GGTA1: variants seen among roughly 807,000 people sequenced by gnomAD.
GGTA1 encodes the protein inactive N-acetyllactosaminide alpha-1,3-galactosyltransferase.
GGTA1 carries 5 observed loss-of-function variants against 2.6 expected under a neutral mutation model. The observed-to-expected ratio is 1.92, with a 90% CI of 1.00 to 4.04. The LOEUF (loss-of-function observed/expected upper bound fraction) is 4.04, where lower values mean the gene tolerates loss of function less well. Among genes scored for constraint, GGTA1 ranks in the 30% most tolerant of loss-of-function variants. The pLI, the probability that GGTA1 is intolerant of heterozygous loss-of-function variation, is 0.00. For synonymous variants in GGTA1, 17 were observed against 5.0 expected (o/e 3.38, Z -3.19); for missense variants, 50 against 16.7 (o/e 2.99, Z -3.47).
intron 4 of GGTA1, 133 bp from the exon 5 acceptor site, chr9:121,460,352 G>A: frequency 2.6e-6 from 1 of 381,438 alleles, no homozygotes; most frequent in Admixed American, 3.4e-5. Flanking sequence ...CCAGAAAAAG[G>A]CTCTAGGCAC....
At chr9:121,454,860 C>G (rs183080538), downstream of GGTA1, among the ~76,000 whole-genome samples, 65 of 152,078 alleles carry the variant, frequency 4.3e-4, no homozygotes, top group African/African-American at 1.5e-3. Context: ...TAAAAAAATA[C>G]AAAATTAGCC....
chr9:121,459,477 C>T (rs1454550201), intron 5 of GGTA1, among the ~76,000 whole-genome samples: 1 of 152,116 alleles, frequency 6.6e-6, no homozygotes, highest in Non-Finnish European at 1.5e-5. Flanking sequence ...AAAAAGGATT[C>T]CATTCTCTCC....
downstream of GGTA1, among the ~76,000 whole-genome samples, chr9:121,454,456 C>T (rs1248320177): frequency 6.6e-6 from 1 of 152,220 alleles, no homozygotes; most frequent in African/African-American, 2.4e-5. Flanking sequence ...GCAAAGGGCT[C>T]ACTCACCCTT....
chr9:121,467,217 T>C (rs1276040764), intron 2 of GGTA1, among the ~76,000 whole-genome samples: 1 of 152,196 alleles, frequency 6.6e-6, no homozygotes, highest in Non-Finnish European at 1.5e-5. Flanking sequence ...CCAGGCATTG[T>C]AGTTTCAAAA....
intron 2 of GGTA1, among the ~76,000 whole-genome samples, chr9:121,464,004 A>G (rs2064983082): frequency 6.6e-6 from 1 of 152,252 alleles, no homozygotes; most frequent in Non-Finnish European, 1.5e-5. Flanking sequence ...CCTAGCACGC[A>G]TAACCCTACC....
In GGTA1 at chr9:121,496,731, C is replaced by CAAAAAAAA. The variant is rs772847384; in HGVS notation, c.-10+2911_-10+2918dup. 2.2e-4 allele frequency among the ~76,000 whole-genome samples: 7 copies of CAAAAAAAA among 31,212 alleles called. 1 individual carries two copies. The highest frequency in any genetic ancestry group is 7.3e-4 in the African/African-American group (6 of 8,228). 20.5% of individuals were successfully genotyped at this position (31,212 alleles called of 152,430 possible). On this transcript the variant is annotated intron_variant, in intron 1 of 5. Coordinates refer to ENST00000481799, the MANE Select transcript of GGTA1 (RefSeq NM_001382585.1). Reference sequence around the variant, plus strand: ...TGAGTGACAGAGCAAGGCTCCATCTCAAAAAAAAAAAAAAAAAAAAAAAAA... The same window carrying CAAAAAAAA: ...TGAGTGACAGAGCAAGGCTCCATCTCAAAAAAAAAAAAAAAAAAAAAAAAAAAAAAAAA...
chr9:121,487,096 G>T (rs1239715582), intron 1 of GGTA1, among the ~76,000 whole-genome samples: 1 of 152,170 alleles, frequency 6.6e-6, no homozygotes, highest in African/African-American at 2.4e-5. Context: ...CTTGCCCCAG[G>T]TTGTCGGGCA....
At chr9:121,497,789 G>A (rs1461292950) in intron 1 of GGTA1, among the ~76,000 whole-genome samples, 1 of 152,230 alleles carries the variant, frequency 6.6e-6, no homozygotes, top group Non-Finnish European at 1.5e-5. Context: ...AGGTCTGGAA[G>A]TGCTCAGAGG....
At chr9:121,460,345 G>A (rs2064950174) in intron 4 of GGTA1, 126 bp from the exon 5 acceptor site, 3 of 388,070 alleles carry the variant, frequency 7.7e-6, no homozygotes, top group South Asian at 5.8e-5. Context: ...GAACTGACCA[G>A]AAAAAGGCTC....
intron 5 of GGTA1, among the ~76,000 whole-genome samples, chr9:121,458,073 C>T (rs2064928442): frequency 6.6e-6 from 1 of 151,660 alleles, no homozygotes; most frequent in Admixed American, 6.6e-5. Context: ...CCACTCCCAG[C>T]TGATTTTTTG....
At chr9:121,459,982 A>G (rs2064946224) in intron 5 of GGTA1, 122 bp downstream of exon 5, 1 of 387,390 alleles carries the variant, frequency 2.6e-6, no homozygotes, top group Admixed American at 3.3e-5. Flanking sequence ...TAAAGGTCTA[A>G]TATGCTAAGG....
intron 2 of GGTA1, among the ~76,000 whole-genome samples, chr9:121,465,019 C>CAAA (rs1175876346): frequency 7.5e-6 from 1 of 132,864 alleles, no homozygotes; most frequent in Non-Finnish European, 1.7e-5. Flanking sequence ...AAAAAAAAAA[C>CAAA]AAAAAACAAC....
chr9:121,457,272 C>T (rs1417151411), intron 5 of GGTA1, among the ~76,000 whole-genome samples: 1 of 152,100 alleles, frequency 6.6e-6, no homozygotes, highest in Non-Finnish European at 1.5e-5. Flanking sequence ...GTGAGACATG[C>T]AGAGATGTCA....
chr9:121,469,229 G>T (rs1828329417), intron 1 of GGTA1, among the ~76,000 whole-genome samples: 1 of 152,172 alleles, frequency 6.6e-6, no homozygotes, highest in Admixed American at 6.5e-5. Context: ...AGTCCCAAGG[G>T]ATAAAGAGGG....
intron 1 of GGTA1, chr9:121,479,422 G>A: frequency 3.7e-6 from 1 of 273,120 alleles, no homozygotes; most frequent in Non-Finnish European, 7.2e-6. Context: ...CAGGCCTTTG[G>A]GAAACGAGCT....
intron 1 of GGTA1, among the ~76,000 whole-genome samples, chr9:121,499,051 C>T (rs1829050929): frequency 6.6e-6 from 1 of 152,142 alleles, no homozygotes; most frequent in Admixed American, 6.5e-5. Context: ...GTGCTGCAGG[C>T]ACCCCGGATG....
intron 1 of GGTA1, among the ~76,000 whole-genome samples, chr9:121,498,320 G>A (rs747772147): frequency 1.3e-5 from 2 of 152,216 alleles, no homozygotes; most frequent in Non-Finnish European, 2.9e-5. Flanking sequence ...ACATGTAAAT[G>A]AGATAACTTA....
chr9:121,458,625 C>CAAATAAAT (rs141109769), intron 5 of GGTA1, among the ~76,000 whole-genome samples: 8,506 of 143,826 alleles, frequency 0.059, 322 homozygotes, highest in Non-Finnish European at 0.075. Flanking sequence ...GACCCTGTCT[C>CAAATAAAT]AAATAAATAA....
intron 1 of GGTA1, among the ~76,000 whole-genome samples, chr9:121,497,272 A>G (rs1829014791): frequency 1.3e-5 from 2 of 152,192 alleles, no homozygotes; most frequent in Non-Finnish European, 2.9e-5. Context: ...TTCATTTCAG[A>G]TAAAATTATA....
Sources: allele counts gnomAD v4.1 joint callset (sites outside exome capture counted in the v4.1 genomes callset), GRCh38; gene constraint gnomAD v4.1.1; transcripts MANE v1.5; gene names NCBI Gene and HGNC (gene_info 2026-07-23, HGNC 2026-07-21).